Variants in PDE4D observed in about 807,000 individuals in gnomAD.
PDE4D encodes phosphodiesterase 4D.
Under a neutral mutation model 87.4 loss-of-function variants are expected in PDE4D, and 24 were observed. The ratio of observed to expected loss-of-function variants is 0.27; its 90% CI spans 0.20 to 0.39. The LOEUF (loss-of-function observed/expected upper bound fraction) is 0.39, where lower values mean the gene tolerates loss of function less well. PDE4D is among the 10% of genes least tolerant of loss of function. The pLI is 1.00. For missense variants in PDE4D, 714 were observed against 1,041.0 expected (o/e 0.69, Z 4.32); for synonymous variants, 384 against 383.2 (o/e 1.00, Z -0.02).
chr5:58,978,926 T>A (rs1026995091), intron 11 of PDE4D, among the ~76,000 whole-genome samples: 1 of 152,044 alleles, frequency 6.6e-6, no homozygotes, highest in African/African-American at 2.4e-5. Context: ...ATTTCTACAG[T>A]GGAATCAAAT....
At chr5:60,269,715 C>CA (rs1280592188) in intron 1 of PDE4D, among the ~76,000 whole-genome samples, 3 of 152,026 alleles carry the variant, frequency 2.0e-5, no homozygotes, top group Non-Finnish European at 4.4e-5. Flanking sequence ...GTTCTTACCA[C>CA]AAAAAAGTTA....
At chr5:59,787,124 AG>A (rs1254768464) in intron 1 of PDE4D, among the ~76,000 whole-genome samples, 2 of 152,166 alleles carry the variant, frequency 1.3e-5, no homozygotes, top group Admixed American at 6.5e-5. Context: ...TTATAACAAA[AG>A]TCTTTCTAAA....
chr5:59,476,142 T>C (rs1035323442), intron 1 of PDE4D, among the ~76,000 whole-genome samples: 1 of 151,992 alleles, frequency 6.6e-6, no homozygotes, highest in African/African-American at 2.4e-5. Flanking sequence ...AAAATTTAAC[T>C]GAGTTCTGTT....
At chr5:59,737,538 G>A (rs1468193382) in intron 1 of PDE4D, among the ~76,000 whole-genome samples, 1 of 151,984 alleles carries the variant, frequency 6.6e-6, no homozygotes, top group Non-Finnish European at 1.5e-5. Flanking sequence ...ATAGGCCACG[G>A]TATTGTGAAA....
intron 1 of PDE4D, among the ~76,000 whole-genome samples, chr5:59,585,117 G>T (rs72769727): frequency 6.6e-6 from 1 of 152,124 alleles, no homozygotes; most frequent in African/African-American, 2.4e-5. Context: ...TAGAGACTGG[G>T]GATAGTAGCT....
chr5:59,179,914 T>A (rs1234811672), intron 5 of PDE4D, among the ~76,000 whole-genome samples: 1 of 152,242 alleles, frequency 6.6e-6, no homozygotes, highest in Non-Finnish European at 1.5e-5. Flanking sequence ...TCATGCATTC[T>A]GTTTTTGGTT....
intron 1 of PDE4D, among the ~76,000 whole-genome samples, chr5:59,315,335 C>A (rs1773498143): frequency 6.6e-6 from 1 of 152,232 alleles, no homozygotes; most frequent in East Asian, 1.9e-4. Flanking sequence ...ACCGATGGGA[C>A]CATTCTGTTC....
chr5:60,032,451 C>G (rs1383235367), intron 2 of PDE4D, among the ~76,000 whole-genome samples: 1 of 152,160 alleles, frequency 6.6e-6, no homozygotes, highest in East Asian at 1.9e-4. Flanking sequence ...TTTTCTGAGC[C>G]ATTCCATAAC....
At chr5:59,825,370 G>A (rs1231580160) in intron 1 of PDE4D, among the ~76,000 whole-genome samples, 1 of 152,188 alleles carries the variant, frequency 6.6e-6, no homozygotes, top group East Asian at 1.9e-4. Context: ...AAGCTACAGA[G>A]TTAAGAAGAA....
intron 1 of PDE4D, among the ~76,000 whole-genome samples, chr5:60,450,273 G>A (rs1308496134): frequency 6.6e-6 from 1 of 152,054 alleles, no homozygotes; most frequent in Admixed American, 6.6e-5. Context: ...CTAAACCTGT[G>A]ATTGATATTC....
chr5:59,574,847 G>C (rs903595951), intron 1 of PDE4D, among the ~76,000 whole-genome samples: 2 of 152,030 alleles, frequency 1.3e-5, no homozygotes, highest in East Asian at 3.9e-4. Context: ...AATTTTTCAG[G>C]ATGTTCTCTG....
chr5:60,518,772 C>T (rs1019780775), intron 1 of PDE4D, among the ~76,000 whole-genome samples: 1 of 152,128 alleles, frequency 6.6e-6, no homozygotes, highest in African/African-American at 2.4e-5. Context: ...GCTAGGGGCT[C>T]ATCAGGACAC....
chr5:59,756,893 G>T (rs956851147), intron 1 of PDE4D, among the ~76,000 whole-genome samples: 1 of 150,954 alleles, frequency 6.6e-6, no homozygotes, highest in African/African-American at 2.4e-5. Context: ...CGCCTCCTAG[G>T]TTCCAGCGAT....
At chr5:60,114,246 T>C (rs1562112078) in intron 2 of PDE4D, among the ~76,000 whole-genome samples, 1 of 152,138 alleles carries the variant, frequency 6.6e-6, no homozygotes, top group African/African-American at 2.4e-5. Context: ...TTTTACAAGA[T>C]GGCAACTTAG....
chr5:58,980,475 A>G (rs1480480278), intron 11 of PDE4D, among the ~76,000 whole-genome samples: 1 of 152,214 alleles, frequency 6.6e-6, no homozygotes, highest in African/African-American at 2.4e-5. Flanking sequence ...ACATTTATAA[A>G]GACAACTTTG....
intron 5 of PDE4D, among the ~76,000 whole-genome samples, chr5:59,102,366 A>G (rs1011005872): frequency 1.3e-5 from 2 of 152,148 alleles, no homozygotes; most frequent in Non-Finnish European, 2.9e-5. Flanking sequence ...GGTTACAGGC[A>G]TGAGCCATCG....
chr5:60,133,900 T>C (rs1779807594), intron 2 of PDE4D, among the ~76,000 whole-genome samples: 2 of 152,222 alleles, frequency 1.3e-5, no homozygotes, highest in South Asian at 4.1e-4. Context: ...TTTACATCTG[T>C]ATTTTTACTA....
rs3815764 is a variant in PDE4D at position 59,185,463 on chromosome 5, C to T, written c.685-201G>A. The stretch of plus-strand genomic sequence containing the variant: ...AGACTGCAGAAATTTTCCAGAAATC[C>T]CTCCACATTGTCTATGCACATGGTG... On this transcript the variant is annotated intron_variant, in intron 3 of 14. Transcript: ENST00000340635. Among the ~76,000 whole-genome samples, 140,862 of 152,230 alleles carry T rather than the reference C, an allele frequency of 0.93. 65,592 individuals are homozygous for T. Among genetic ancestry groups the T allele is most frequent in the African/African-American group, 0.95 (39,630 of 41,570 alleles).
At chr5:59,981,738 A>G (rs1426025231) in intron 3 of PDE4D, among the ~76,000 whole-genome samples, 1 of 152,202 alleles carries the variant, frequency 6.6e-6, no homozygotes, top group Non-Finnish European at 1.5e-5. Context: ...CTAGCTTTAT[A>G]AACACCCTTA....
Sources: gnomAD v4.1 joint callset for allele counts (sites outside exome capture counted in the v4.1 genomes callset) on GRCh38, gnomAD v4.1.1 for gene constraint, MANE v1.5 for transcripts, NCBI Gene and HGNC (gene_info 2026-07-23, HGNC 2026-07-21) for gene names.